The following PTPRN2 variants were observed in gnomAD, a reference collection of about 807,000 sequenced individuals.
PTPRN2 encodes the protein receptor-type tyrosine-protein phosphatase N2.
In PTPRN2, 74 loss-of-function variants were observed where a neutral mutation model predicts 118.8. That is an observed-to-expected ratio of 0.62 (90% CI 0.52 to 0.76). The LOEUF (loss-of-function observed/expected upper bound fraction) is 0.76, where lower values mean the gene tolerates loss of function less well. Among genes scored for constraint, PTPRN2 ranks in the 30% least tolerant of loss-of-function variants. The pLI is 0.00. For synonymous variants in PTPRN2, 641 were observed against 608.0 expected (o/e 1.05, Z -0.80); for missense variants, 1,481 against 1,394.4 (o/e 1.06, Z -0.99).
In PTPRN2 at chr7:158,004,433, T is replaced by A. The variant is rs537085608; in HGVS notation, c.1723+76865A>T. Among the ~76,000 whole-genome samples, 98 of 152,340 alleles carry A rather than the reference T, an allele frequency of 6.4e-4. 1 individual carries two copies. Among genetic ancestry groups the A allele is most frequent in the African/African-American group, 2.3e-3 (94 of 41,578 alleles). ...CAGCAGATTAAAAAATTAACCAGCA[T>A]CTATTTTTAAAGAACTGCATGCATT... On this transcript the variant is annotated intron_variant, in intron 11 of 22. Transcript: ENST00000389418.
At chr7:158,016,221 C>T (rs755604624) in intron 11 of PTPRN2, among the ~76,000 whole-genome samples, 2 of 152,172 alleles carry the variant, frequency 1.3e-5, no homozygotes, top group Admixed American at 6.5e-5. Flanking sequence ...GGGCAGGGCT[C>T]GGGAGGTCCG....
intron 3 of PTPRN2, among the ~76,000 whole-genome samples, chr7:158,315,813 C>A (rs1802273314): frequency 6.6e-6 from 1 of 152,202 alleles, no homozygotes; most frequent in Non-Finnish European, 1.5e-5. Flanking sequence ...TATGAATGTC[C>A]CGTGTGAATG....
At chr7:157,768,502 C>G (rs558600372) in intron 12 of PTPRN2, among the ~76,000 whole-genome samples, 1 of 152,130 alleles carries the variant, frequency 6.6e-6, no homozygotes, top group African/African-American at 2.4e-5. Flanking sequence ...AGCACGCGGC[C>G]GCAACACTTG....
intron 2 of PTPRN2, among the ~76,000 whole-genome samples, chr7:158,380,946 A>G (rs1810924487): frequency 6.6e-6 from 1 of 152,242 alleles, no homozygotes; most frequent in African/African-American, 2.4e-5. Flanking sequence ...CCACAGCCTG[A>G]GCTCCACATT....
chr7:158,506,266 C>A (rs938936877), intron 1 of PTPRN2, among the ~76,000 whole-genome samples: 1 of 152,192 alleles, frequency 6.6e-6, no homozygotes, highest in South Asian at 2.1e-4. Flanking sequence ...CCCCTCTCCC[C>A]GGAGGTGCCA....
chr7:157,799,430 C>T (rs571453098), intron 12 of PTPRN2, among the ~76,000 whole-genome samples: 1 of 152,242 alleles, frequency 6.6e-6, no homozygotes, highest in East Asian at 1.9e-4. Context: ...CCACTGCAGG[C>T]CCCAGTGTAA....
chr7:158,167,352 C>A, intron 5 of PTPRN2, 61 bp from the exon 6 acceptor site: 1 of 1,521,300 alleles, frequency 6.6e-7, no homozygotes, highest in South Asian at 1.3e-5. Context: ...CTGGGGGCAC[C>A]AAGATGCCCT....
At chr7:158,227,001 T>G (rs1300043794) in intron 3 of PTPRN2, among the ~76,000 whole-genome samples, 1 of 151,994 alleles carries the variant, frequency 6.6e-6, no homozygotes, top group Non-Finnish European at 1.5e-5. Flanking sequence ...TGAAGATGAC[T>G]GACTGCCAAG....
chr7:157,748,124 T>TGG (rs1801132575), intron 12 of PTPRN2, among the ~76,000 whole-genome samples: 2 of 95,014 alleles, frequency 2.1e-5, no homozygotes, highest in Admixed American at 2.4e-4. Context: ...CTGAGCTGTC[T>TGG]GGTGTCTGGG....
chr7:158,325,975 G>A (rs1332487373), intron 2 of PTPRN2, among the ~76,000 whole-genome samples: 5 of 152,208 alleles, frequency 3.3e-5, no homozygotes, highest in Non-Finnish European at 7.3e-5. Flanking sequence ...GCCCAGGAGG[G>A]GAACGCGGCC....
At chr7:158,287,424 ATTCT>A (rs368485784) in intron 3 of PTPRN2, among the ~76,000 whole-genome samples, 9 of 151,588 alleles carry the variant, frequency 5.9e-5, no homozygotes, top group Middle Eastern at 3.4e-3. Flanking sequence ...GTTTATTTGG[ATTCT>A]TTCTTCTTTT....
At chr7:157,952,706 G>A (rs1800913224) in intron 11 of PTPRN2, among the ~76,000 whole-genome samples, 1 of 152,094 alleles carries the variant, frequency 6.6e-6, no homozygotes, top group South Asian at 2.1e-4. Flanking sequence ...TCTTTCTCAG[G>A]CCTCTTGGTT....
At chr7:157,682,064 C>A (rs759668060) in intron 13 of PTPRN2, among the ~76,000 whole-genome samples, 4 of 152,296 alleles carry the variant, frequency 2.6e-5, no homozygotes, top group South Asian at 2.1e-4. Context: ...CATTACAGGA[C>A]AATACTAAAT....
intron 11 of PTPRN2, among the ~76,000 whole-genome samples, chr7:157,982,772 C>A (rs1585135428): frequency 8.2e-6 from 1 of 121,662 alleles, no homozygotes; most frequent in South Asian, 3.2e-4. Flanking sequence ...AGGGTCCCCC[C>A]CAAACCCCGA....
intron 12 of PTPRN2, among the ~76,000 whole-genome samples, chr7:157,762,979 C>G (rs1423726442): frequency 6.6e-6 from 1 of 152,112 alleles, no homozygotes; most frequent in Non-Finnish European, 1.5e-5. Flanking sequence ...GCCGCCCACT[C>G]ACGGTCGGTC....
At chr7:158,452,152 G>A (rs1025892220) in intron 2 of PTPRN2, among the ~76,000 whole-genome samples, 5 of 152,098 alleles carry the variant, frequency 3.3e-5, no homozygotes, top group Non-Finnish European at 7.4e-5. Flanking sequence ...TGGCTTAAGT[G>A]TCCCATCACT....
At chr7:157,621,604 T>G in intron 14 of PTPRN2, 95 bp from the exon 15 acceptor site, 1 of 1,495,638 alleles carries the variant, frequency 6.7e-7, no homozygotes, top group Admixed American at 1.8e-5. Flanking sequence ...ACTCGCCGCG[T>G]GGGCCATGCC....
Position 158,134,015 on chromosome 7 carries a change from G to A in PTPRN2, c.1218C>T (p.His406=), listed in dbSNP as rs377073206. 46 of 1,613,836 alleles carry A rather than the reference G, an allele frequency of 2.9e-5. No homozygotes were observed. Among genetic ancestry groups the A allele is most frequent in the East Asian group, 1.8e-4 (8 of 44,890 alleles). The part of the protein sequence containing the change: ...SATLGGLLQD[H]GSRLLPGALP... ...GGGCTCCAGGTAAGAGTCGAGACCC[G>A]TGGTCCTGCAGGAGGCCCCCGAGTG... Residue 406 remains histidine, a synonymous_variant, in exon 9 of 23, where the codon CAC becomes CAT. Coordinates refer to ENST00000389418, the MANE Select transcript of PTPRN2 (RefSeq NM_002847.5).
At chr7:157,955,124 G>C (rs140902456) in intron 11 of PTPRN2, among the ~76,000 whole-genome samples, 1 of 152,252 alleles carries the variant, frequency 6.6e-6, no homozygotes, top group East Asian at 1.9e-4. Flanking sequence ...GCCATCCCAG[G>C]TACCAGGAGC....
Sources: allele counts gnomAD v4.1 joint callset (sites outside exome capture counted in the v4.1 genomes callset), GRCh38; gene constraint gnomAD v4.1.1; transcripts MANE v1.5; gene names NCBI Gene and HGNC (gene_info 2026-07-23, HGNC 2026-07-21).